SRGAP3: variants seen among roughly 807,000 people sequenced by gnomAD.
SRGAP3 encodes the protein SLIT-ROBO Rho GTPase activating protein 3, also known as SLIT-ROBO Rho GTPase-activating protein 3.
A neutral mutation model predicts 121.1 loss-of-function variants in SRGAP3; 39 were observed. The observed-to-expected ratio is 0.32, with a 90% CI of 0.25 to 0.42. SRGAP3 has a LOEUF of 0.42. Among genes scored for constraint, SRGAP3 ranks in the 10% least tolerant of loss-of-function variants. The pLI, the probability that SRGAP3 is intolerant of heterozygous loss-of-function variation, is 1.00. For synonymous variants in SRGAP3, 601 were observed against 570.0 expected, an observed-to-expected ratio of 1.05 and a Z score of -0.77; for missense variants, 1,213 against 1,470.6, an observed-to-expected ratio of 0.82 and a Z score of 2.86.
intron 1 of SRGAP3, among the ~76,000 whole-genome samples, chr3:9,141,702 G>A (rs1384073581): frequency 1.3e-5 from 2 of 152,070 alleles, no homozygotes; most frequent in Non-Finnish European, 2.9e-5. Flanking sequence ...CAGGAGGTCA[G>A]CCAGCAGGGC....
chr3:9,095,240 T>G (rs1003832051), intron 3 of SRGAP3, among the ~76,000 whole-genome samples: 5 of 152,092 alleles, frequency 3.3e-5, no homozygotes, highest in African/African-American at 1.2e-4. Context: ...CTTGGCCATA[T>G]TTTCTATTTA....
intron 18 of SRGAP3, among the ~76,000 whole-genome samples, chr3:8,996,222 A>G (rs1036626362): frequency 1.3e-5 from 2 of 152,250 alleles, no homozygotes; most frequent in Non-Finnish European, 2.9e-5. Context: ...ATAGTACCCT[A>G]TAAGAGTTAC....
chr3:9,100,024 T>C (rs2543498), intron 3 of SRGAP3, among the ~76,000 whole-genome samples: 105,257 of 152,156 alleles, frequency 0.69, 36,862 homozygotes, highest in African/African-American at 0.81. Flanking sequence ...TGTGAGTCCA[T>C]GTGGGGCTGG....
chr3:9,086,370 C>CA (rs1560112321), intron 3 of SRGAP3, among the ~76,000 whole-genome samples: 1 of 151,866 alleles, frequency 6.6e-6, no homozygotes, highest in African/African-American at 2.4e-5. Context: ...ATCAAACATA[C>CA]AAAAAATTAG....
At chr3:9,320,401 T>G (rs1559275746) in intron 3 of SRGAP3, among the ~76,000 whole-genome samples, 1 of 151,854 alleles carries the variant, frequency 6.6e-6, no homozygotes, top group Admixed American at 6.5e-5. Context: ...CATGAATGGT[T>G]TAACACTATC....
At chr3:9,303,802 C>A (rs1955109502) in intron 3 of SRGAP3, among the ~76,000 whole-genome samples, 1 of 152,200 alleles carries the variant, frequency 6.6e-6, no homozygotes, top group Non-Finnish European at 1.5e-5. Context: ...ATCCACACAA[C>A]AGCCTGTTAA....
intron 3 of SRGAP3, 95 bp from the exon 4 acceptor site, chr3:9,080,182 G>A (rs1222713186): frequency 3.1e-6 from 4 of 1,304,584 alleles, no homozygotes; most frequent in Admixed American, 1.7e-5. Flanking sequence ...AATGTTTCGG[G>A]TGGGGTCAGA....
At chr3:9,146,072 C>T (rs530864397) in intron 1 of SRGAP3, among the ~76,000 whole-genome samples, 3 of 152,186 alleles carry the variant, frequency 2.0e-5, no homozygotes, top group African/African-American at 7.2e-5. Context: ...AACCTGGTGG[C>T]AGCATAGAGG....
At chr3:9,073,502 G>A (rs899702091) in intron 4 of SRGAP3, among the ~76,000 whole-genome samples, 1 of 152,186 alleles carries the variant, frequency 6.6e-6, no homozygotes, top group Non-Finnish European at 1.5e-5. Context: ...CACTAGTGTA[G>A]GGGAGCGCTT....
intron 3 of SRGAP3, among the ~76,000 whole-genome samples, chr3:9,291,447 C>T (rs142653972): frequency 6.6e-6 from 1 of 152,152 alleles, no homozygotes; most frequent in African/African-American, 2.4e-5. Flanking sequence ...CTTCCACCAA[C>T]GGGTCACAGG....
intron 1 of SRGAP3, among the ~76,000 whole-genome samples, chr3:9,242,077 C>CAAAAAAA (rs142186507): frequency 5.8e-5 from 4 of 68,488 alleles, no homozygotes; most frequent in Non-Finnish European, 6.0e-5. Context: ...CACCCTAATT[C>CAAAAAAA]AAAAAAAAAA....
At chr3:9,104,943 C>T (rs1438456959) in intron 2 of SRGAP3, 101 bp from the exon 3 acceptor site, 8 of 1,414,516 alleles carry the variant, frequency 5.7e-6, no homozygotes, top group Non-Finnish European at 6.0e-6. Context: ...CCACGGTGCC[C>T]CTTCAAGGTC....
intron 10 of SRGAP3, among the ~76,000 whole-genome samples, chr3:9,045,509 A>G (rs576073601): frequency 7.3e-5 from 11 of 151,258 alleles, no homozygotes; most frequent in Admixed American, 1.3e-4. Context: ...GTATGGTGAT[A>G]ATGATGATGA....
At chr3:9,125,013 G>T in intron 1 of SRGAP3, 96 bp from the exon 2 acceptor site, 1 of 1,437,900 alleles carries the variant, frequency 7.0e-7, no homozygotes, top group Non-Finnish European at 9.6e-7. Context: ...AATTCAGGCA[G>T]CTCCCTCCTA....
At chr3:9,058,202 G>C in intron 7 of SRGAP3, 49 bp downstream of exon 7, 1 of 1,589,156 alleles carries the variant, frequency 6.3e-7, no homozygotes, top group East Asian at 2.2e-5. Context: ...GAGCACATGG[G>C]GGAACAGAGG....
rs538858854 is a variant in SRGAP3 at position 9,118,852 on chromosome 3, G to A, written c.260+5873C>T. Among the ~76,000 whole-genome samples the A allele has an allele frequency of 8.5e-5, 13 of 152,312 alleles. No homozygotes were observed. In the South Asian group the frequency reaches 2.3e-3, roughly 27 times the overall value. ...CTGTCCTTTCAGCAATACAGGACCC[G>A]TGACAGGCACATGAGCGAGTGACAC... On this transcript the variant is annotated intron_variant, in intron 2 of 21. Coordinates refer to ENST00000383836, the MANE Select transcript of SRGAP3 (RefSeq NM_014850.4).
intron 1 of SRGAP3, among the ~76,000 whole-genome samples, chr3:9,233,255 C>A (rs1953284626): frequency 6.6e-6 from 1 of 152,234 alleles, no homozygotes; most frequent in African/African-American, 2.4e-5. Flanking sequence ...CATCCAAGGT[C>A]ATTCAGCTGA....
chr3:9,309,905 CATT>C (rs1559270918), intron 3 of SRGAP3, among the ~76,000 whole-genome samples: 2 of 152,118 alleles, frequency 1.3e-5, no homozygotes, highest in African/African-American at 4.8e-5. Flanking sequence ...CCAACATGAT[CATT>C]CACTTATTCA....
At chr3:9,273,578 C>A (rs763956276) in intron 3 of SRGAP3, among the ~76,000 whole-genome samples, 1 of 152,144 alleles carries the variant, frequency 6.6e-6, no homozygotes, top group Non-Finnish European at 1.5e-5. Flanking sequence ...CTTTGATGCA[C>A]AAAAGTTTTA....
Sources: gnomAD v4.1 joint callset for allele counts (sites outside exome capture counted in the v4.1 genomes callset) on GRCh38, gnomAD v4.1.1 for gene constraint, MANE v1.5 for transcripts, NCBI Gene and HGNC (gene_info 2026-07-23, HGNC 2026-07-21) for gene names.